Variants in ATG4C observed in about 807,000 individuals in gnomAD.
The protein encoded by ATG4C is cysteine protease ATG4C.
ATG4C carries 56 observed loss-of-function variants against 57.6 expected under a neutral mutation model. The ratio of observed to expected loss-of-function variants is 0.97; its 90% CI spans 0.78 to 1.21. The LOEUF (loss-of-function observed/expected upper bound fraction) is 1.21, where lower values mean the gene tolerates loss of function less well. Ranked by LOEUF, ATG4C falls within the 50% of genes most tolerant of loss-of-function variation. The pLI, the probability that ATG4C is intolerant of heterozygous loss-of-function variation, is 0.00. For missense variants in ATG4C, 595 were observed against 529.8 expected, an observed-to-expected ratio of 1.12 and a Z score of -1.21; for synonymous variants, 157 against 174.1, an observed-to-expected ratio of 0.90 and a Z score of 0.78.
chr1:62,847,906 C>G (rs1043368577), intron 10 of ATG4C, among the ~76,000 whole-genome samples: 1 of 152,314 alleles, frequency 6.6e-6, no homozygotes, highest in South Asian at 2.1e-4. Flanking sequence ...AAAACAACCA[C>G]TCTTCCGTTC....
chr1:62,787,849 AT>A (rs1664142111), intron 1 of ATG4C, among the ~76,000 whole-genome samples: 1 of 152,186 alleles, frequency 6.6e-6, no homozygotes, highest in African/African-American at 2.4e-5. Flanking sequence ...TTAAGTGTTT[AT>A]TATCATTATT....
At chr1:62,838,333 A>C (rs557580441) in intron 9 of ATG4C, among the ~76,000 whole-genome samples, 1 of 152,354 alleles carries the variant, frequency 6.6e-6, no homozygotes, top group Non-Finnish European at 1.5e-5. Flanking sequence ...AAATTAAAAA[A>C]AATCTTAAGT....
At chr1:62,809,178 G>A (rs1451570684) in intron 3 of ATG4C, among the ~76,000 whole-genome samples, 2 of 151,834 alleles carry the variant, frequency 1.3e-5, no homozygotes, top group African/African-American at 4.8e-5. Flanking sequence ...GGCTCAAGTG[G>A]TCCTCCTGTC....
rs1666958571 is a variant in ATG4C, at chr1:62,864,861, A to G, written c.*702A>G. 1 of 151,928 alleles carries G rather than the reference A, an allele frequency of 6.6e-6. No homozygotes were observed. The highest frequency in any genetic ancestry group is 2.1e-4 in the South Asian group (1 of 4,834). The allele number at this position is 151,928 out of a possible 1,614,324, so 9.4% of individuals were successfully genotyped here. ...AATCAAGTCAGATAAAGGCAACTAT[A>G]AAATAGTAGTAGTGTTTGTTTCCTA... On this transcript the variant is annotated 3_prime_UTR_variant, in exon 11 of 11. Transcript: ENST00000317868.
chr1:62,816,653 G>A lies in ATG4C; in HGVS notation c.239G>A (p.Arg80His), dbSNP rs149190290. 3.7e-4 allele frequency: 589 copies of A among 1,613,640 alleles called. 1 individual carries two copies. Among genetic ancestry groups the A allele is most frequent in the Non-Finnish European group, 4.5e-4 (536 of 1,179,804 alleles). The change falls in exon 4 of 11, where the codon CGT (arginine) becomes CAT (histidine). Residue 80 changes from arginine (R) to histidine (H), a missense_variant. By Grantham distance (29) the Arg-to-His change is conservative. Coordinates refer to ENST00000317868, the MANE Select transcript of ATG4C (RefSeq NM_032852.4). Reference sequence around the variant, plus strand: ...ATTGCAGGAAATGTAGAAGAATTTCGTAAAGATTTCATTTCTAGAATATGG... The same window carrying A: ...ATTGCAGGAAATGTAGAAGAATTTCATAAAGATTTCATTTCTAGAATATGG... Reference protein sequence around the residue: ...HVIAGNVEEFRKDFISRIWLT... With the variant: ...HVIAGNVEEFHKDFISRIWLT...
chr1:62,832,383 G>A (rs1665869742), intron 7 of ATG4C, among the ~76,000 whole-genome samples: 1 of 152,080 alleles, frequency 6.6e-6, no homozygotes, highest in African/African-American at 2.4e-5. Flanking sequence ...CACAGTTCTG[G>A]AGGATGGGAA....
intron 3 of ATG4C, among the ~76,000 whole-genome samples, chr1:62,815,974 C>T (rs1337008260): frequency 2.0e-5 from 3 of 152,054 alleles, no homozygotes; most frequent in Admixed American, 6.6e-5. Flanking sequence ...CGTGAGCCAC[C>T]GCGCCCAGCC....
chr1:62,792,953 G>A (rs945922629), intron 1 of ATG4C, among the ~76,000 whole-genome samples: 5 of 150,688 alleles, frequency 3.3e-5, no homozygotes, highest in African/African-American at 1.2e-4. Flanking sequence ...GTGGCGCGAT[G>A]TCGGCTCACT....
intron 3 of ATG4C, among the ~76,000 whole-genome samples, chr1:62,808,589 A>G (rs1419777917): frequency 6.6e-6 from 1 of 152,242 alleles, no homozygotes. Context: ...AAGGCAATGT[A>G]TAGCACAAAA....
At chr1:62,835,178 C>A (rs1242683486) in intron 9 of ATG4C, among the ~76,000 whole-genome samples, 1 of 144,090 alleles carries the variant, frequency 6.9e-6, no homozygotes, top group Non-Finnish European at 1.5e-5. Flanking sequence ...AAATGTAAGG[C>A]CTGTTTAAAA....
rs768157968 is a variant in ATG4C at position 62,834,778 on chromosome 1, G to C, written c.1015G>C (p.Asp339His). 3.7e-6 allele frequency: 6 copies of C among 1,610,788 alleles called. No individual in the cohort carries two copies. The highest frequency in any genetic ancestry group is 5.1e-6 in the Non-Finnish European group (6 of 1,177,674). Residue 339 changes from aspartate to histidine, a missense_variant and splice_region_variant, in exon 9 of 11, where the codon GAC becomes CAC. By Grantham distance (81) the Asp-to-His change is moderately conservative. Coordinates refer to ENST00000317868, the MANE Select transcript of ATG4C (RefSeq NM_032852.4). ...QSYYFAGFQD[D>H]SLIYMDPHYC... is the part of the protein sequence containing the mutation. ...TGTCTTCTGTTTTGTCCTTGTAGAT[G>C]ACAGTTTGATTTACATGGATCCTCA...
At chr1:62,799,916 A>G (rs925684376) in intron 1 of ATG4C, among the ~76,000 whole-genome samples, 4 of 150,570 alleles carry the variant, frequency 2.7e-5, no homozygotes, top group Non-Finnish European at 4.4e-5. Flanking sequence ...CCTCTCCCCA[A>G]CCTTCTCATT....
chr1:62,844,669 T>TAA (rs1666275258), intron 10 of ATG4C, among the ~76,000 whole-genome samples: 1 of 152,234 alleles, frequency 6.6e-6, no homozygotes, highest in South Asian at 2.1e-4. Context: ...GTTATATATA[T>TAA]AATTAATAAG....
At chr1:62,843,657 G>A (rs4448545) in intron 10 of ATG4C, among the ~76,000 whole-genome samples, 58,027 of 151,926 alleles carry the variant, frequency 0.38, 11,874 homozygotes, top group East Asian at 0.66. Context: ...TATGCTATAT[G>A]ATTTTAAAAT....
intron 10 of ATG4C, among the ~76,000 whole-genome samples, chr1:62,852,834 C>CT (rs924486976): frequency 6.6e-6 from 1 of 151,340 alleles, no homozygotes; most frequent in Non-Finnish European, 1.5e-5. Flanking sequence ...GGAAAAATCT[C>CT]TTTTTTTCTG....
chr1:62,805,283 A>T, intron 3 of ATG4C, 28 bp downstream of exon 3: 1 of 1,480,814 alleles, frequency 6.8e-7, no homozygotes, highest in South Asian at 1.4e-5. Flanking sequence ...AAACCATTTA[A>T]AAATTTTTGT....
intron 3 of ATG4C, among the ~76,000 whole-genome samples, chr1:62,811,807 G>A (rs1665093596): frequency 6.6e-6 from 1 of 152,026 alleles, no homozygotes; most frequent in Admixed American, 6.6e-5. Context: ...CCTACTTAAC[G>A]TCATAGATAG....
chr1:62,800,114 CT>C (rs1195211829), intron 1 of ATG4C, among the ~76,000 whole-genome samples: 1 of 152,134 alleles, frequency 6.6e-6, no homozygotes, highest in Non-Finnish European at 1.5e-5. Flanking sequence ...GGTTTTCACA[CT>C]TGCTGAGGAC....
At chr1:62,792,611 A>T (rs1298424753) in intron 1 of ATG4C, among the ~76,000 whole-genome samples, 1 of 152,232 alleles carries the variant, frequency 6.6e-6, no homozygotes, top group African/African-American at 2.4e-5. Context: ...GGATACTCTA[A>T]AACAGTTATG....
Sources: gnomAD v4.1 joint callset for allele counts (sites outside exome capture counted in the v4.1 genomes callset) on GRCh38, gnomAD v4.1.1 for gene constraint, MANE v1.5 for transcripts, NCBI Gene and HGNC (gene_info 2026-07-23, HGNC 2026-07-21) for gene names.